TMEM63B: variants seen among roughly 807,000 people sequenced by gnomAD.
The protein encoded by TMEM63B is transmembrane protein 63B.
A neutral mutation model predicts 102.6 loss-of-function variants in TMEM63B; 23 were observed. The ratio of observed to expected loss-of-function variants is 0.22; its 90% CI spans 0.16 to 0.32. TMEM63B has a LOEUF of 0.32. TMEM63B is among the 10% of genes least tolerant of loss of function. The pLI, the probability that TMEM63B is intolerant of heterozygous loss-of-function variation, is 1.00. For missense variants in TMEM63B, 628 were observed against 1,095.9 expected (o/e 0.57, Z 6.03); for synonymous variants, 444 against 437.0 (o/e 1.02, Z -0.20).
Position 44,148,691 on chromosome 6 carries a change from G to A in TMEM63B, c.1259+41G>A. On this transcript the variant is annotated intron_variant, in intron 14 of 23. Coordinates refer to ENST00000323267, the MANE Select transcript of TMEM63B (RefSeq NM_018426.3). The surrounding 1 kb of genome is among the most constrained non-coding windows in gnomAD (Gnocchi z 5.1). ...TCAGGGCAGGCTTTCCAGGGCCTGGGATGGGCTCAGTAGGTAGGCGGAGGA... is the reference window on the plus strand; with the variant it reads ...TCAGGGCAGGCTTTCCAGGGCCTGGAATGGGCTCAGTAGGTAGGCGGAGGA... 6.2e-7 allele frequency: 1 copy of A among 1,612,098 alleles called. No individual in the cohort carries two copies. The highest frequency in any genetic ancestry group is 8.5e-7 in the Non-Finnish European group (1 of 1,178,476).
At chr6:44,140,844 C>G (rs1764101144) in intron 9 of TMEM63B, among the ~76,000 whole-genome samples, 184 bp from the exon 10 acceptor site, 1 of 152,058 alleles carries the variant, frequency 6.6e-6, no homozygotes, top group African/African-American at 2.4e-5. Flanking sequence ...CACTCCCCTG[C>G]TTTCCCTGGG....
intron 9 of TMEM63B, 75 bp from the exon 10 acceptor site, chr6:44,140,953 G>T: frequency 7.5e-7 from 1 of 1,328,190 alleles, no homozygotes; most frequent in South Asian, 1.2e-5. Flanking sequence ...TTTCTCTAGT[G>T]CCCCCCACCC....
At chr6:44,136,895 A>C (rs1408692163) in intron 5 of TMEM63B, among the ~76,000 whole-genome samples, 1 of 152,216 alleles carries the variant, frequency 6.6e-6, no homozygotes, top group Non-Finnish European at 1.5e-5. Context: ...AATACAAAAA[A>C]TTAGCCAGGC....
chr6:44,154,717 A>G lies in TMEM63B; in HGVS notation c.2333A>G (p.Asp778Gly), dbSNP rs1288452172. Residue 778 changes from aspartate (D) to glycine (G), a missense_variant, in exon 24 of 24, where the codon GAC becomes GGC. This residue lies in a region of TMEM63B where 129 missense variants were observed against 153.5 expected (regional missense o/e 0.84). Coordinates refer to ENST00000323267, the MANE Select transcript of TMEM63B (RefSeq NM_018426.3). ...AAATACATCGCTCAGGTGCTGCAGG[A>G]CTCAGAGGTGGACGGGGATGGGGAT... Reference protein sequence around the residue: ...SAKYIAQVLQDSEVDGDGDGA... With the variant: ...SAKYIAQVLQGSEVDGDGDGA... The G allele has an allele frequency of 6.4e-7, 1 of 1,574,542 alleles. No homozygotes were observed. The highest frequency in any genetic ancestry group is 8.6e-7 in the Non-Finnish European group (1 of 1,162,876).
intron 4 of TMEM63B, among the ~76,000 whole-genome samples, chr6:44,135,703 A>G (rs1582770990): frequency 6.6e-6 from 1 of 152,190 alleles, no homozygotes; most frequent in Non-Finnish European, 1.5e-5. Flanking sequence ...ATTGGGTGTC[A>G]CCAGCAGCTT....
chr6:44,148,578 C>T lies in TMEM63B; in HGVS notation c.1187C>T (p.Ser396Leu), dbSNP rs1765903305. The T allele has an allele frequency of 6.2e-7, 1 of 1,614,260 alleles. No individual in the cohort carries two copies. The highest frequency in any genetic ancestry group is 8.5e-7 in the Non-Finnish European group (1 of 1,180,052). ...GCTCRGEPRP[S>L]SCSESLHISN... The stretch of plus-strand genomic sequence containing the variant: ...ACCTGCCGTGGGGAGCCACGCCCCT[C>T]ATCCTGCAGCGAGTCCCTGCACATC... Residue 396 changes from serine (S) to leucine (L), a missense_variant, in exon 14 of 24, where the codon TCA becomes TTA. Coordinates refer to ENST00000323267, the MANE Select transcript of TMEM63B (RefSeq NM_018426.3). This position sits in a 1 kb window ranked among gnomAD's most constrained non-coding sequence, Gnocchi z 5.1.
chr6:44,127,412 C>A (rs534573147), upstream of TMEM63B: 1 of 152,536 alleles, frequency 6.6e-6, no homozygotes, highest in East Asian at 1.9e-4. Context: ...CCCCACGCGG[C>A]CTCTTCCTAG....
rs1437223250 is a variant in TMEM63B, at chr6:44,152,041, A to C, written c.1836+33A>C. 9 of 1,561,112 alleles carry C rather than the reference A, an allele frequency of 5.8e-6. No individual in the cohort carries two copies. Among genetic ancestry groups the C allele is most frequent in the Non-Finnish European group, 7.8e-6 (9 of 1,157,072 alleles). ...CGCCTGGGGCAGCAGCGGCCCGCAC[A>C]GCGCCCCCTGGTGGCCCAACAAGAA... On this transcript the variant is annotated intron_variant, in intron 19 of 23. Transcript: ENST00000323267. The surrounding 1 kb of genome is among the most constrained non-coding windows in gnomAD (Gnocchi z 6.4).
intron 1 of TMEM63B, among the ~76,000 whole-genome samples, chr6:44,128,559 C>A (rs965961586): frequency 6.6e-6 from 1 of 152,236 alleles, no homozygotes; most frequent in South Asian, 2.1e-4. Context: ...GGCTGGCTGC[C>A]CTTGGGGCGC....
intron 6 of TMEM63B, 142 bp from the exon 7 acceptor site, chr6:44,139,325 T>G (rs1763754842): frequency 1.0e-6 from 1 of 954,870 alleles, no homozygotes; most frequent in Non-Finnish European, 1.6e-6. Flanking sequence ...GACCAAGAAG[T>G]CCCATTTCAG....
At chr6:44,151,400 A>G (rs1239596745) in intron 18 of TMEM63B, among the ~76,000 whole-genome samples, 2 of 152,066 alleles carry the variant, frequency 1.3e-5, no homozygotes, top group Non-Finnish European at 2.9e-5. Context: ...GGGCTCCCCC[A>G]GAGATGTTGC....
chr6:44,131,443 A>T (rs2128220217), intron 1 of TMEM63B, among the ~76,000 whole-genome samples: 1 of 152,252 alleles, frequency 6.6e-6, no homozygotes, highest in Non-Finnish European at 1.5e-5. Context: ...AACTCCACTG[A>T]AAAAGCTTAT....
chr6:44,150,155 T>G lies in TMEM63B; in HGVS notation c.1521-69T>G. 6.6e-7 allele frequency: 1 copy of G among 1,513,952 alleles called. No homozygotes were observed. The highest frequency in any genetic ancestry group is 9.1e-7 in the Non-Finnish European group (1 of 1,095,824). 93.8% of individuals were successfully genotyped at this position (1,513,952 alleles called of 1,614,324 possible). A position where few individuals can be genotyped will look rare whatever the true frequency, so the allele number is the denominator to read the frequency against. ...AGGGGACACTCCTTGGACATTGTCC[T>G]TGTTGGGGGAGCAAGTCTGGGGCCT... On this transcript the variant is annotated intron_variant, in intron 16 of 23. Transcript: ENST00000323267. The surrounding 1 kb of genome is among the most constrained non-coding windows in gnomAD (Gnocchi z 4.7).
chr6:44,154,925 AC>A lies in TMEM63B; in HGVS notation c.*47del. On this transcript the variant is annotated 3_prime_UTR_variant, in exon 24 of 24. Coordinates refer to ENST00000323267, the MANE Select transcript of TMEM63B (RefSeq NM_018426.3). ...TGGAGGCCACATCCTGCCCCACCCC[AC>A]CCCCACTCCCACGGACACTAAAACG... 2 of 1,440,318 alleles carry A rather than the reference AC, an allele frequency of 1.4e-6. No homozygotes were observed. The highest frequency in any genetic ancestry group is 1.5e-5 in the South Asian group (1 of 66,696). The allele number at this position is 1,440,318 out of a possible 1,614,324, so 89.2% of individuals were successfully genotyped here.
intron 20 of TMEM63B, among the ~76,000 whole-genome samples, chr6:44,153,181 T>G (rs540895787): frequency 6.6e-6 from 1 of 152,272 alleles, no homozygotes; most frequent in South Asian, 2.1e-4. Flanking sequence ...TTTTTGAAGT[T>G]TAGCAAAGTT....
At chr6:44,136,245 C>T in intron 4 of TMEM63B, 104 bp from the exon 5 acceptor site, 2 of 872,222 alleles carry the variant, frequency 2.3e-6, no homozygotes, top group African/African-American at 3.3e-5. Context: ...GCTTCCTGTG[C>T]CTTCTGTGCC....
At chr6:44,139,890 C>T (rs966582882) in intron 8 of TMEM63B, 131 bp downstream of exon 8, 1 of 1,167,866 alleles carries the variant, frequency 8.6e-7, no homozygotes, top group Middle Eastern at 2.3e-4. Context: ...TCCCTGAGGG[C>T]TTGGGTTGGA....
intron 10 of TMEM63B, among the ~76,000 whole-genome samples, chr6:44,141,484 C>T (rs1764254993): frequency 6.6e-6 from 1 of 152,242 alleles, no homozygotes; most frequent in African/African-American, 2.4e-5. Context: ...CCAGTGGATT[C>T]CAAGGAGTCC....
At chr6:44,131,919 G>A (rs1290768297) in intron 1 of TMEM63B, among the ~76,000 whole-genome samples, 1 of 152,244 alleles carries the variant, frequency 6.6e-6, no homozygotes, top group East Asian at 1.9e-4. Context: ...ACCTCGTGGA[G>A]TGGAAGAACT....
Sources: gnomAD v4.1 joint callset for allele counts (sites outside exome capture counted in the v4.1 genomes callset) on GRCh38, gnomAD v4.1.1 for gene constraint, gnomAD v4.1.1 regional missense constraint, Gnocchi (gnomAD v3.1) non-coding constraint, MANE v1.5 for transcripts, NCBI Gene and HGNC (gene_info 2026-07-23, HGNC 2026-07-21) for gene names.